Variants in LYPLAL1 observed in about 807,000 individuals in gnomAD.
The protein encoded by LYPLAL1 is lysophospholipase like 1.
LYPLAL1 carries 23 observed loss-of-function variants against 19.7 expected under a neutral mutation model. The ratio of observed to expected loss-of-function variants is 1.17; its 90% confidence interval spans 0.84 to 1.65. LYPLAL1 has a LOEUF of 1.65. Among genes scored for constraint, LYPLAL1 ranks in the 40% most tolerant of loss-of-function variants. The pLI is 0.00. For missense variants in LYPLAL1, 355 were observed against 279.4 expected, an observed-to-expected ratio of 1.27 and a Z score of -1.93; for synonymous variants, 119 against 96.3, an observed-to-expected ratio of 1.24 and a Z score of -1.38.
chr1:219,393,179 C>T, the LYPLAL1 span, among the ~76,000 whole-genome samples: 1 of 152,112 alleles, frequency 6.6e-6, no homozygotes, highest in Non-Finnish European at 1.5e-5. Context: ...TTTTGAGCCT[C>T]TGGATTCTGG....
intron 2 of LYPLAL1, among the ~76,000 whole-genome samples, chr1:219,186,725 T>A (rs1656754137): frequency 6.6e-6 from 1 of 151,748 alleles, no homozygotes; most frequent in South Asian, 2.1e-4. Flanking sequence ...ATTCTTTTGC[T>A]TTTAACCTAC....
the LYPLAL1 span, among the ~76,000 whole-genome samples, chr1:219,418,223 G>A: frequency 6.6e-6 from 1 of 152,142 alleles, no homozygotes; most frequent in African/African-American, 2.4e-5. Flanking sequence ...TTTCAGCCAA[G>A]AGAATGTACT....
At chr1:219,430,102 T>A in the LYPLAL1 span, among the ~76,000 whole-genome samples, 5 of 152,224 alleles carry the variant, frequency 3.3e-5, no homozygotes, top group Admixed American at 2.0e-4. Flanking sequence ...GAGACTAGCC[T>A]GGGCAACATG....
At chr1:219,343,987 G>A in the LYPLAL1 span, among the ~76,000 whole-genome samples, 2 of 151,920 alleles carry the variant, frequency 1.3e-5, no homozygotes, top group Middle Eastern at 3.4e-3. Flanking sequence ...TTCTTTAAAG[G>A]CAATTCCCTT....
At chr1:219,211,379 C>T in intron 4 of LYPLAL1, 113 bp from the exon 5 acceptor site, 1 of 742,670 alleles carries the variant, frequency 1.3e-6, no homozygotes. Flanking sequence ...TTTTTTTTCC[C>T]ATTAGTTATT....
At chr1:219,263,485 C>T in the LYPLAL1 span, among the ~76,000 whole-genome samples, 150 of 152,308 alleles carry the variant, frequency 9.8e-4, no homozygotes, top group Admixed American at 3.9e-3. Context: ...CTGATGGCCA[C>T]TGCTCCTGTG....
At chr1:219,231,877 T>C in the LYPLAL1 span, among the ~76,000 whole-genome samples, 1 of 152,246 alleles carries the variant, frequency 6.6e-6, no homozygotes, top group Admixed American at 6.5e-5. Context: ...TATGTATATG[T>C]AATTATTTTC....
At chr1:219,227,516 C>T in the LYPLAL1 span, among the ~76,000 whole-genome samples, 1 of 152,170 alleles carries the variant, frequency 6.6e-6, no homozygotes, top group African/African-American at 2.4e-5. Context: ...TAGTCTTGCA[C>T]TTTAAATGCC....
chr1:219,363,652 C>T, the LYPLAL1 span, among the ~76,000 whole-genome samples: 2 of 152,130 alleles, frequency 1.3e-5, no homozygotes, highest in Non-Finnish European at 2.9e-5. Flanking sequence ...ACCTAGAAGG[C>T]CCTAAATAGA....
chr1:219,259,020 A>G, the LYPLAL1 span, among the ~76,000 whole-genome samples: 1 of 152,042 alleles, frequency 6.6e-6, no homozygotes, highest in Admixed American at 6.6e-5. Context: ...AATATGCTTA[A>G]CATCACTAAT....
At chr1:219,409,456 A>ACACACACACACACACACACACACG in the LYPLAL1 span, 17 of 139,426 alleles carry the variant, frequency 1.2e-4, no homozygotes, top group African/African-American at 4.9e-4. Flanking sequence ...ACACACACAC[A>ACACACACACACACACACACACACG]CACACACACA....
the LYPLAL1 span, among the ~76,000 whole-genome samples, chr1:219,417,910 G>A: frequency 2.0e-5 from 3 of 152,356 alleles, no homozygotes; most frequent in South Asian, 2.1e-4. Context: ...CTGAGTGGGC[G>A]CCATGACCTT....
chr1:219,386,046 G>A, the LYPLAL1 span, among the ~76,000 whole-genome samples: 1 of 152,118 alleles, frequency 6.6e-6, no homozygotes, highest in Non-Finnish European at 1.5e-5. Flanking sequence ...TGCAATGTCC[G>A]GAGCTTTGCC....
chr1:219,227,652 CA>C, the LYPLAL1 span, among the ~76,000 whole-genome samples: 5 of 147,888 alleles, frequency 3.4e-5, no homozygotes, highest in South Asian at 4.3e-4. Flanking sequence ...TAGGACTTGG[CA>C]AAAAAAAATT....
the LYPLAL1 span, among the ~76,000 whole-genome samples, chr1:219,281,554 T>C: frequency 6.6e-6 from 1 of 152,002 alleles, no homozygotes; most frequent in Admixed American, 6.6e-5. Context: ...ACCAAGTTTC[T>C]CCCTCCACTG....
chr1:219,195,279 T>C (rs772311060), intron 3 of LYPLAL1, among the ~76,000 whole-genome samples: 1 of 152,058 alleles, frequency 6.6e-6, no homozygotes, highest in Non-Finnish European at 1.5e-5. Context: ...GTCATAAGAA[T>C]TGTACTTTGA....
the LYPLAL1 span, among the ~76,000 whole-genome samples, chr1:219,297,293 C>T: frequency 6.6e-6 from 1 of 152,218 alleles, no homozygotes; most frequent in African/African-American, 2.4e-5. Context: ...GATGCTTGTA[C>T]ATTTTGGTCC....
At chr1:219,301,694 C>T in the LYPLAL1 span, among the ~76,000 whole-genome samples, 1 of 152,022 alleles carries the variant, frequency 6.6e-6, no homozygotes, top group African/African-American at 2.4e-5. Context: ...TATAACATAA[C>T]CCTATTCAAT....
chr1:219,188,317 A>G (rs1656884680), intron 2 of LYPLAL1, among the ~76,000 whole-genome samples: 1 of 151,834 alleles, frequency 6.6e-6, no homozygotes, highest in Non-Finnish European at 1.5e-5. Context: ...GTTGCAGGGT[A>G]AAAGGGAGGT....
Sources: gnomAD v4.1 joint callset for allele counts (sites outside exome capture counted in the v4.1 genomes callset) on GRCh38, gnomAD v4.1.1 for gene constraint, MANE v1.5 for transcripts, NCBI Gene and HGNC (gene_info 2026-07-23, HGNC 2026-07-21) for gene names.